PCDH15: variants seen among roughly 807,000 people sequenced by gnomAD.
PCDH15 encodes protocadherin related 15, also known as protocadherin-15.
Under a neutral mutation model 178.5 loss-of-function variants are expected in PCDH15, and 129 were observed. That is an observed-to-expected ratio of 0.72 (90% CI 0.63 to 0.84). The LOEUF (loss-of-function observed/expected upper bound fraction) is 0.84, where lower values mean the gene tolerates loss of function less well. Ranked by LOEUF, PCDH15 falls within the 40% of genes least tolerant of loss-of-function variation. The probability of loss-of-function intolerance (pLI) is 0.00; values close to 1 mark genes in which losing one functional copy is unlikely to be tolerated. For missense variants in PCDH15, 2,230 were observed against 2,099.9 expected (o/e 1.06, Z -1.21); for synonymous variants, 800 against 732.0 (o/e 1.09, Z -1.50).
intron 26 of PCDH15, among the ~76,000 whole-genome samples, chr10:53,902,512 C>T (rs543630629): frequency 6.6e-6 from 1 of 152,164 alleles, no homozygotes; most frequent in Admixed American, 6.5e-5. Context: ...AATTGAGAAT[C>T]CAAAATGTTT....
chr10:54,788,858 C>A (rs1372491217), intron 1 of PCDH15, among the ~76,000 whole-genome samples: 5 of 151,648 alleles, frequency 3.3e-5, no homozygotes, highest in African/African-American at 1.2e-4. Flanking sequence ...AGTGGAATTG[C>A]ATTAATAATT....
At chr10:54,999,597 G>C (rs1310554942) in intron 2 of PCDH15, among the ~76,000 whole-genome samples, 4 of 152,188 alleles carry the variant, frequency 2.6e-5, no homozygotes, top group African/African-American at 9.6e-5. Flanking sequence ...GGGAGGTGCA[G>C]CTGGTGCTGC....
intron 1 of PCDH15, among the ~76,000 whole-genome samples, chr10:54,760,039 G>A (rs1947670481): frequency 6.6e-6 from 1 of 152,092 alleles, no homozygotes; most frequent in Non-Finnish European, 1.5e-5. Context: ...ACAGATACTT[G>A]GCTCATAGGG....
intron 3 of PCDH15, among the ~76,000 whole-genome samples, chr10:54,855,654 T>C (rs1028099839): frequency 3.3e-5 from 5 of 152,184 alleles, no homozygotes; most frequent in Admixed American, 1.3e-4. Flanking sequence ...TCCTGAATTG[T>C]GATTATTGAA....
At chr10:54,928,514 T>C (rs1284578227) in intron 2 of PCDH15, among the ~76,000 whole-genome samples, 2 of 152,192 alleles carry the variant, frequency 1.3e-5, no homozygotes, top group African/African-American at 4.8e-5. Context: ...TTCTCATAGA[T>C]GATATGCTGA....
chr10:54,555,272 T>C (rs905741931), intron 2 of PCDH15, among the ~76,000 whole-genome samples: 11 of 152,194 alleles, frequency 7.2e-5, no homozygotes, highest in Admixed American at 7.2e-4. Context: ...TGCAAAAATC[T>C]ACAGATTATT....
intron 3 of PCDH15, among the ~76,000 whole-genome samples, chr10:54,509,819 A>C (rs570004872): frequency 2.6e-5 from 4 of 152,144 alleles, no homozygotes; most frequent in African/African-American, 9.7e-5. Context: ...CTGTTTCTCA[A>C]GTGCTAATAA....
At chr10:54,805,984 T>C (rs1247664675), upstream of PCDH15, among the ~76,000 whole-genome samples, 1 of 152,162 alleles carries the variant, frequency 6.6e-6, no homozygotes, top group Admixed American at 6.5e-5. Flanking sequence ...TTAGGTATTA[T>C]AAAGTCAAAT....
chr10:54,263,067 CACTTGAAATACTGT>C (rs2057439188), intron 8 of PCDH15, among the ~76,000 whole-genome samples: 1 of 149,322 alleles, frequency 6.7e-6, no homozygotes, highest in African/African-American at 2.6e-5. Flanking sequence ...TTTGTCTCTA[CACTTGAAATACTGT>C]ATTTTCTTTG....
intron 2 of PCDH15, among the ~76,000 whole-genome samples, chr10:55,406,849 A>T (rs1185551998): frequency 6.6e-6 from 1 of 152,226 alleles, no homozygotes; most frequent in African/African-American, 2.4e-5. Context: ...TTCAACATTA[A>T]AAAGTGGTAT....
chr10:54,371,778 T>C (rs530077458), intron 4 of PCDH15, among the ~76,000 whole-genome samples: 1 of 152,032 alleles, frequency 6.6e-6, no homozygotes, highest in African/African-American at 2.4e-5. Flanking sequence ...ATTTATGCCT[T>C]CGCACTTCCA....
intron 24 of PCDH15, among the ~76,000 whole-genome samples, chr10:53,939,790 G>T (rs1004146976): frequency 2.0e-5 from 3 of 152,028 alleles, no homozygotes; most frequent in Non-Finnish European, 4.4e-5. Flanking sequence ...CACTGTGGGG[G>T]ACAGACGTTA....
intron 15 of PCDH15, among the ~76,000 whole-genome samples, chr10:54,113,116 T>C (rs1016424383): frequency 3.0e-4 from 46 of 152,254 alleles, no homozygotes; most frequent in African/African-American, 1.0e-3. Context: ...AAAAAGAGAA[T>C]TTCCGGGAAG....
chr10:53,884,203 T>C (rs1398284788), intron 26 of PCDH15, among the ~76,000 whole-genome samples: 2 of 152,158 alleles, frequency 1.3e-5, no homozygotes, highest in African/African-American at 4.8e-5. Context: ...GGCGATTAAA[T>C]GCAGGTTGAG....
At chr10:54,248,486 C>A (rs1380941796) in intron 8 of PCDH15, among the ~76,000 whole-genome samples, 1 of 151,930 alleles carries the variant, frequency 6.6e-6, no homozygotes, top group Non-Finnish European at 1.5e-5. Flanking sequence ...AGTGAAATTT[C>A]TTAATTTGTT....
chr10:54,335,052 A>G (rs1475864332), intron 6 of PCDH15, among the ~76,000 whole-genome samples: 1 of 152,178 alleles, frequency 6.6e-6, no homozygotes, highest in Non-Finnish European at 1.5e-5. Flanking sequence ...CTACTGTGCC[A>G]TCAGCTGCTG....
chr10:54,760,035 A>C (rs569092107), intron 1 of PCDH15, among the ~76,000 whole-genome samples: 1 of 152,316 alleles, frequency 6.6e-6, no homozygotes, highest in South Asian at 2.1e-4. Context: ...ATAAACAGAT[A>C]CTTGGCTCAT....
chr10:53,860,347 C>G (rs909163144), intron 27 of PCDH15, among the ~76,000 whole-genome samples: 1 of 152,084 alleles, frequency 6.6e-6, no homozygotes, highest in African/African-American at 2.4e-5. Context: ...TTCTGACCAA[C>G]GTAAACTTAG....
At chr10:54,271,338 G>A (rs11004192) in intron 8 of PCDH15, among the ~76,000 whole-genome samples, 100,755 of 151,750 alleles carry the variant, frequency 0.66, 34,382 homozygotes, top group Middle Eastern at 0.77. Context: ...AGCCTCCTGA[G>A]TAGCTGGGAC....
Sources: allele counts gnomAD v4.1 joint callset (sites outside exome capture counted in the v4.1 genomes callset), GRCh38; gene constraint gnomAD v4.1.1; transcripts MANE v1.5; gene names NCBI Gene and HGNC (gene_info 2026-07-23, HGNC 2026-07-21).